CLYBL: variants seen among roughly 807,000 people sequenced by gnomAD.
The protein encoded by CLYBL is citramalyl-CoA lyase, mitochondrial.
A neutral mutation model predicts 38.9 loss-of-function variants in CLYBL; 31 were observed. The observed-to-expected ratio is 0.80, with a 90% CI of 0.60 to 1.08. CLYBL has a LOEUF of 1.08. CLYBL is among the 50% of genes least tolerant of loss of function. The pLI is 0.00. For missense variants in CLYBL, 434 were observed against 411.6 expected (o/e 1.05, Z -0.47); for synonymous variants, 171 against 158.6 (o/e 1.08, Z -0.59).
intron 4 of CLYBL, among the ~76,000 whole-genome samples, chr13:99,864,477 A>G (rs1209843719): frequency 4.6e-5 from 7 of 152,222 alleles, no homozygotes; most frequent in African/African-American, 7.2e-5. Flanking sequence ...TGGTTTTACG[A>G]GAGTCTCTTA....
At chr13:99,868,266 GATA>G (rs1055774483) in intron 6 of CLYBL, among the ~76,000 whole-genome samples, 7 of 152,142 alleles carry the variant, frequency 4.6e-5, no homozygotes, top group Non-Finnish European at 5.9e-5. Context: ...TAATCAATCT[GATA>G]ATAAGATAGA....
At chr13:99,874,099 G>A (rs1033305734) in intron 7 of CLYBL, among the ~76,000 whole-genome samples, 1 of 152,086 alleles carries the variant, frequency 6.6e-6, no homozygotes, top group Non-Finnish European at 1.5e-5. Flanking sequence ...ATCAGAGTTA[G>A]GGCTAGAGAC....
chr13:99,757,584 T>TA (rs1236752246), intron 1 of CLYBL, among the ~76,000 whole-genome samples: 1 of 152,208 alleles, frequency 6.6e-6, no homozygotes, highest in Admixed American at 6.5e-5. Context: ...GCTGCCATTG[T>TA]AGCTGGGATT....
chr13:99,641,806 C>T (rs1181358168), intron 1 of CLYBL, among the ~76,000 whole-genome samples: 2 of 151,506 alleles, frequency 1.3e-5, no homozygotes, highest in Admixed American at 6.6e-5. Context: ...AGCGAGACTC[C>T]ATCTTTAAAA....
At chr13:99,876,451 T>A (rs2139278956) in intron 7 of CLYBL, among the ~76,000 whole-genome samples, 1 of 151,938 alleles carries the variant, frequency 6.6e-6, no homozygotes, top group South Asian at 2.1e-4. Flanking sequence ...AGAGTGTTTT[T>A]AATGTAGATT....
intron 1 of CLYBL, among the ~76,000 whole-genome samples, chr13:99,665,771 A>G (rs984463312): frequency 2.0e-5 from 3 of 152,186 alleles, no homozygotes; most frequent in Non-Finnish European, 2.9e-5. Context: ...GGTTTTCTTT[A>G]AACAACTCTA....
intron 1 of CLYBL, among the ~76,000 whole-genome samples, chr13:99,656,717 A>T (rs1004866718): frequency 2.6e-4 from 40 of 152,308 alleles, no homozygotes; most frequent in Admixed American, 1.4e-3. Flanking sequence ...TAGGTAACAA[A>T]TTTTTTTAAA....
Position 99,858,916 on chromosome 13 carries a change from C to T in CLYBL, c.305C>T (p.Thr102Ile), listed in dbSNP as rs1566356867. ...CTTGAAGACATTGATCTGGGCCCTA[C>T]TGAAAAATGTGTGAGAGTCAACTCA... ...KTLEDIDLGP[T>I]EKCVRVNSVS... is the part of the protein sequence containing the mutation. The change falls in exon 3 of 9, where the codon ACT (threonine) becomes ATT (isoleucine). Residue 102 changes from threonine to isoleucine, a missense_variant. Coordinates refer to ENST00000339105, the MANE Select transcript of CLYBL (RefSeq NM_206808.5). 6.2e-7 allele frequency: 1 copy of T among 1,614,004 alleles called. No homozygotes were observed. Among genetic ancestry groups the T allele is most frequent in the Non-Finnish European group, 8.5e-7 (1 of 1,179,914 alleles).
At chr13:99,610,645 T>A (rs2046612190) in intron 1 of CLYBL, among the ~76,000 whole-genome samples, 1 of 152,174 alleles carries the variant, frequency 6.6e-6, no homozygotes, top group African/African-American at 2.4e-5. Flanking sequence ...TCTTCAACAT[T>A]CAGCCACAGT....
chr13:99,709,236 T>G (rs2048191495), intron 1 of CLYBL, among the ~76,000 whole-genome samples: 1 of 152,214 alleles, frequency 6.6e-6, no homozygotes. Flanking sequence ...GAGAGGGTCC[T>G]GGAACAAATC....
chr13:99,623,006 A>T (rs2046819814), intron 1 of CLYBL, among the ~76,000 whole-genome samples: 1 of 151,956 alleles, frequency 6.6e-6, no homozygotes, highest in East Asian at 1.9e-4. Flanking sequence ...CTCATTTTTT[A>T]AATTTATTTG....
intron 2 of CLYBL, among the ~76,000 whole-genome samples, chr13:99,824,093 A>G (rs765967871): frequency 1.3e-5 from 2 of 152,242 alleles, no homozygotes; most frequent in Non-Finnish European, 2.9e-5. Flanking sequence ...ATCCTCACAG[A>G]TCAGGCTTTT....
chr13:99,876,771 G>A (rs1336787570), intron 7 of CLYBL, among the ~76,000 whole-genome samples: 1 of 152,114 alleles, frequency 6.6e-6, no homozygotes, highest in Non-Finnish European at 1.5e-5. Context: ...TAAAGATATG[G>A]AATATCATAA....
intron 2 of CLYBL, among the ~76,000 whole-genome samples, chr13:99,852,537 C>T (rs1046070533): frequency 6.6e-6 from 1 of 152,180 alleles, no homozygotes; most frequent in African/African-American, 2.4e-5. Context: ...AATCACAAAC[C>T]TAAAAATAAT....
At chr13:99,837,739 T>A (rs1300506531) in intron 2 of CLYBL, among the ~76,000 whole-genome samples, 1 of 152,196 alleles carries the variant, frequency 6.6e-6, no homozygotes, top group Admixed American at 6.5e-5. Flanking sequence ...CATTTATGTG[T>A]GCACCAGCGC....
intron 1 of CLYBL, among the ~76,000 whole-genome samples, chr13:99,697,171 A>G (rs2047992458): frequency 6.6e-6 from 1 of 152,096 alleles, no homozygotes; most frequent in Admixed American, 6.6e-5. Context: ...GAATTGTAGC[A>G]CTCTGCTTTC....
In CLYBL at chr13:99,774,772, C is replaced by A. The variant is rs1054285395; in HGVS notation, c.249+1762C>A. Among the ~76,000 whole-genome samples the A allele has an allele frequency of 5.3e-5, 8 of 152,330 alleles. No homozygotes were observed. The South Asian group carries it at 8.3e-4, about 16-fold the overall frequency. On this transcript the variant is annotated intron_variant, in intron 2 of 8. Transcript: ENST00000339105. ...GGAATCTAAAATGTCTACTCAACATCTTTGGCATGTGCCAAGGAAAATACT... is the reference window on the plus strand; with the variant it reads ...GGAATCTAAAATGTCTACTCAACATATTTGGCATGTGCCAAGGAAAATACT...
chr13:99,648,320 A>T (rs1165607071), intron 1 of CLYBL, among the ~76,000 whole-genome samples: 3 of 152,238 alleles, frequency 2.0e-5, no homozygotes, highest in African/African-American at 7.2e-5. Flanking sequence ...TGGACTATTC[A>T]GAAGGCTCCG....
At chr13:99,758,305 G>T (rs1320882422) in intron 1 of CLYBL, among the ~76,000 whole-genome samples, 3 of 152,152 alleles carry the variant, frequency 2.0e-5, no homozygotes, top group Non-Finnish European at 4.4e-5. Context: ...AACAAGGCCA[G>T]GTGGGGGCCC....
Sources: gnomAD v4.1 joint callset for allele counts (sites outside exome capture counted in the v4.1 genomes callset) on GRCh38, gnomAD v4.1.1 for gene constraint, MANE v1.5 for transcripts, NCBI Gene and HGNC (gene_info 2026-07-23, HGNC 2026-07-21) for gene names.